CFAP299: variants seen among roughly 807,000 people sequenced by gnomAD.
CFAP299 encodes the protein cilia and flagella associated protein 299.
CFAP299 carries 21 observed loss-of-function variants against 27.0 expected under a neutral mutation model. The observed-to-expected ratio is 0.78, with a 90% CI of 0.55 to 1.12. The LOEUF (loss-of-function observed/expected upper bound fraction) is 1.12, where lower values mean the gene tolerates loss of function less well. CFAP299 is among the 50% of genes most tolerant of loss of function. The pLI, the probability that CFAP299 is intolerant of heterozygous loss-of-function variation, is 0.00. For synonymous variants in CFAP299, 104 were observed against 98.1 expected (o/e 1.06, Z -0.36); for missense variants, 310 against 276.6 (o/e 1.12, Z -0.86).
intron 3 of CFAP299, among the ~76,000 whole-genome samples, chr4:80,689,477 C>T (rs1309653815): frequency 6.6e-6 from 1 of 152,208 alleles, no homozygotes; most frequent in South Asian, 2.1e-4. Context: ...AAATACTTTA[C>T]AGACAAGCAA....
At chr4:80,423,094 T>G (rs1727365170) in intron 2 of CFAP299, among the ~76,000 whole-genome samples, 1 of 152,232 alleles carries the variant, frequency 6.6e-6, no homozygotes. Context: ...TAGGTACATT[T>G]GCATAAGGCA....
intron 2 of CFAP299, among the ~76,000 whole-genome samples, chr4:80,379,292 G>A (rs1724578076): frequency 6.6e-6 from 1 of 151,806 alleles, no homozygotes; most frequent in Non-Finnish European, 1.5e-5. Context: ...TTTTATCTCT[G>A]ATATTAGTAG....
intron 3 of CFAP299, among the ~76,000 whole-genome samples, chr4:80,759,289 G>T (rs1224620372): frequency 6.6e-6 from 1 of 152,114 alleles, no homozygotes; most frequent in Non-Finnish European, 1.5e-5. Flanking sequence ...TACACTAGGG[G>T]ATACAGAATG....
chr4:80,513,995 G>A (rs187889969), intron 2 of CFAP299, among the ~76,000 whole-genome samples: 5 of 152,140 alleles, frequency 3.3e-5, no homozygotes, highest in South Asian at 4.1e-4. Context: ...ACTTTTTGTC[G>A]TGGTAAATGA....
intron 2 of CFAP299, among the ~76,000 whole-genome samples, chr4:80,550,705 C>CTATA: frequency 6.7e-6 from 1 of 149,520 alleles, no homozygotes; most frequent in African/African-American, 2.5e-5. Flanking sequence ...CAGGGAGTAG[C>CTATA]TATATATATA....
intron 3 of CFAP299, among the ~76,000 whole-genome samples, chr4:80,806,524 A>C (rs1728873660): frequency 6.6e-6 from 1 of 152,224 alleles, no homozygotes; most frequent in Non-Finnish European, 1.5e-5. Flanking sequence ...ATTATTCTAG[A>C]GATAAATCAC....
chr4:80,372,768 A>G (rs1449232561), intron 2 of CFAP299, among the ~76,000 whole-genome samples: 1 of 152,170 alleles, frequency 6.6e-6, no homozygotes, highest in Non-Finnish European at 1.5e-5. Context: ...GGGATGCCCA[A>G]CCAGCCCAGA....
rs138651875 is a variant in CFAP299, at chr4:80,862,215, C to G, written c.334-7778C>G. On this transcript the variant is annotated intron_variant, in intron 3 of 5. Coordinates refer to ENST00000358105, the MANE Select transcript of CFAP299 (RefSeq NM_152770.3). ...TGAAACCCCATCTCTACTAAAAATA[C>G]AAAAATTAGCTTGGAGCAGTGGCGT... Among the ~76,000 whole-genome samples, 695 of 152,036 alleles carry G rather than the reference C, an allele frequency of 4.6e-3. 4 individuals carry two copies. Among genetic ancestry groups the G allele is most frequent in the African/African-American group, 0.016 (674 of 41,450 alleles).
intron 3 of CFAP299, among the ~76,000 whole-genome samples, chr4:80,743,771 C>A (rs1208108760): frequency 1.3e-5 from 2 of 152,150 alleles, no homozygotes. Flanking sequence ...CACCATGGCA[C>A]ATGTATACCT....
intron 3 of CFAP299, among the ~76,000 whole-genome samples, chr4:80,813,086 T>A (rs1729239000): frequency 6.6e-6 from 1 of 152,072 alleles, no homozygotes; most frequent in Admixed American, 6.6e-5. Context: ...TAGAACAATT[T>A]GAAACTATTT....
intron 2 of CFAP299, among the ~76,000 whole-genome samples, chr4:80,534,259 A>C (rs944393168): frequency 1.3e-5 from 2 of 151,542 alleles, no homozygotes; most frequent in Non-Finnish European, 3.0e-5. Flanking sequence ...TTTTTAAAGA[A>C]TCTTTCCTTA....
At chr4:80,841,335 G>A (rs940988245) in intron 3 of CFAP299, among the ~76,000 whole-genome samples, 2 of 152,012 alleles carry the variant, frequency 1.3e-5, no homozygotes, top group Admixed American at 6.6e-5. Flanking sequence ...ATAACAACCT[G>A]TAGAGCACTA....
chr4:80,370,226 CA>C (rs763809223), intron 2 of CFAP299, among the ~76,000 whole-genome samples: 2 of 152,090 alleles, frequency 1.3e-5, no homozygotes, highest in African/African-American at 4.8e-5. Flanking sequence ...AGGAGAGTAC[CA>C]GGGGGAAATC....
intron 3 of CFAP299, among the ~76,000 whole-genome samples, chr4:80,804,216 C>G (rs1728751314): frequency 6.6e-6 from 1 of 152,098 alleles, no homozygotes; most frequent in South Asian, 2.1e-4. Context: ...CAACCATCAC[C>G]ATCCATCTAC....
At chr4:80,926,871 C>A (rs939778339) in intron 4 of CFAP299, among the ~76,000 whole-genome samples, 2 of 151,932 alleles carry the variant, frequency 1.3e-5, no homozygotes, top group Admixed American at 6.6e-5. Context: ...ATTAAGAAGA[C>A]CTTCAAAAGG....
At chr4:80,433,654 A>G (rs1363185013) in intron 2 of CFAP299, among the ~76,000 whole-genome samples, 1 of 152,152 alleles carries the variant, frequency 6.6e-6, no homozygotes, top group Non-Finnish European at 1.5e-5. Context: ...AATCTTAAGT[A>G]TGGAGTATTT....
Position 80,496,793 on chromosome 4 carries a change from A to C in CFAP299, c.243-86300A>C, listed in dbSNP as rs183039496. Among the ~76,000 whole-genome samples, 128 of 152,286 alleles carry C rather than the reference A, an allele frequency of 8.4e-4. 1 individual carries two copies. Among genetic ancestry groups the C allele is most frequent in the South Asian group, 1.7e-3 (8 of 4,828 alleles). On this transcript the variant is annotated intron_variant, in intron 2 of 5. Coordinates refer to ENST00000358105, the MANE Select transcript of CFAP299 (RefSeq NM_152770.3). ...CATACCATTCCACAGGCTATACAGG[A>C]AGCATAATGCTGGCATCTGCTTGGC...
intron 3 of CFAP299, among the ~76,000 whole-genome samples, chr4:80,666,310 T>G (rs1356533634): frequency 6.6e-6 from 1 of 152,154 alleles, no homozygotes; most frequent in Non-Finnish European, 1.5e-5. Flanking sequence ...AAGCCTGCTC[T>G]ACCTCTTCCT....
intron 3 of CFAP299, among the ~76,000 whole-genome samples, chr4:80,651,667 ATC>A (rs1424695084): frequency 6.8e-6 from 1 of 146,752 alleles, no homozygotes; most frequent in African/African-American, 2.5e-5. Context: ...GCCCGGGCGA[ATC>A]TCACTTTCTT....
Sources: allele counts gnomAD v4.1 joint callset (sites outside exome capture counted in the v4.1 genomes callset), GRCh38; gene constraint gnomAD v4.1.1; transcripts MANE v1.5; gene names NCBI Gene and HGNC (gene_info 2026-07-23, HGNC 2026-07-21).